The following ANKRD13C variants were observed in gnomAD, a reference collection of about 807,000 sequenced individuals.
The protein encoded by ANKRD13C is ankyrin repeat domain 13C.
ANKRD13C carries 16 observed loss-of-function variants against 65.5 expected under a neutral mutation model. That is an observed-to-expected ratio of 0.24 (90% CI 0.17 to 0.37). The LOEUF (loss-of-function observed/expected upper bound fraction) is 0.37. ANKRD13C is among the 10% of genes least tolerant of loss of function. The probability of loss-of-function intolerance (pLI) is 1.00; values close to 1 mark genes in which losing one functional copy is unlikely to be tolerated. For missense variants in ANKRD13C, 503 were observed against 655.9 expected, an observed-to-expected ratio of 0.77 and a Z score of 2.55; for synonymous variants, 235 against 238.7, an observed-to-expected ratio of 0.98 and a Z score of 0.14.
chr1:70,307,072 T>C (rs1315014696), intron 5 of ANKRD13C, among the ~76,000 whole-genome samples: 1 of 152,204 alleles, frequency 6.6e-6, no homozygotes, highest in Non-Finnish European at 1.5e-5. Context: ...AGTGTGTGTG[T>C]ATCTGTCTGT....
chr1:70,286,040 G>A (rs1057394950), intron 9 of ANKRD13C, among the ~76,000 whole-genome samples: 4 of 151,996 alleles, frequency 2.6e-5, no homozygotes, highest in Admixed American at 2.0e-4. Context: ...ACAGTTCCAT[G>A]CTGCTTTCCA....
At chr1:70,344,895 A>C (rs1177824236) in intron 1 of ANKRD13C, among the ~76,000 whole-genome samples, 1 of 152,034 alleles carries the variant, frequency 6.6e-6, no homozygotes, top group Non-Finnish European at 1.5e-5. Flanking sequence ...TGTTAATATA[A>C]AATTTCTTAT....
intron 1 of ANKRD13C, among the ~76,000 whole-genome samples, chr1:70,345,577 GA>G (rs1416695701): frequency 6.6e-6 from 1 of 151,940 alleles, no homozygotes; most frequent in African/African-American, 2.4e-5. Context: ...ATTGATATTT[GA>G]AAAACACCGG....
chr1:70,285,219 G>T (rs1387880885), intron 9 of ANKRD13C, among the ~76,000 whole-genome samples: 1 of 128,882 alleles, frequency 7.8e-6, no homozygotes, highest in Non-Finnish European at 1.6e-5. Context: ...TTGAGATGGA[G>T]TCTCACTCTG....
intron 6 of ANKRD13C, among the ~76,000 whole-genome samples, chr1:70,303,958 C>G (rs1680482899): frequency 1.3e-5 from 2 of 152,182 alleles, no homozygotes; most frequent in Non-Finnish European, 2.9e-5. Context: ...TGTCTAGTAT[C>G]TTGCTAAGTT....
chr1:70,300,194 T>C (rs1465008624), intron 7 of ANKRD13C, among the ~76,000 whole-genome samples: 2 of 152,098 alleles, frequency 1.3e-5, no homozygotes, highest in Non-Finnish European at 2.9e-5. Flanking sequence ...TAAATGAGAA[T>C]GAAGAGAAGT....
chr1:70,320,699 C>G (rs763391188), intron 3 of ANKRD13C, among the ~76,000 whole-genome samples: 1 of 151,892 alleles, frequency 6.6e-6, no homozygotes. Context: ...TAATTTTCTA[C>G]GATGAATGTC....
intron 7 of ANKRD13C, among the ~76,000 whole-genome samples, chr1:70,299,908 G>T (rs956306348): frequency 6.6e-6 from 1 of 152,120 alleles, no homozygotes; most frequent in African/African-American, 2.4e-5. Flanking sequence ...TATTCTGGCA[G>T]TTTGTAAAAA....
intron 1 of ANKRD13C, among the ~76,000 whole-genome samples, chr1:70,352,684 TTTCCAAAGGGCTAGCATAGAA>T (rs1305194139): frequency 6.6e-6 from 1 of 152,224 alleles, no homozygotes; most frequent in African/African-American, 2.4e-5. Flanking sequence ...TAACAACTGT[TTTCCAAAGGGCTAGCATAGAA>T]TTACCATCAT....
At chr1:70,304,579 T>G (rs1572095043) in intron 6 of ANKRD13C, among the ~76,000 whole-genome samples, 2 of 152,120 alleles carry the variant, frequency 1.3e-5, no homozygotes, top group African/African-American at 2.4e-5. Context: ...AATATTTTTT[T>G]GTAAAGATGG....
intron 8 of ANKRD13C, among the ~76,000 whole-genome samples, chr1:70,295,759 T>C (rs991730734): frequency 1.3e-5 from 2 of 152,164 alleles, no homozygotes; most frequent in Non-Finnish European, 2.9e-5. Flanking sequence ...AAGTCTAAAG[T>C]AGGGAGACAA....
chr1:70,273,238 C>T (rs1396579530), intron 11 of ANKRD13C, among the ~76,000 whole-genome samples: 1 of 152,026 alleles, frequency 6.6e-6, no homozygotes, highest in African/African-American at 2.4e-5. Flanking sequence ...TATATGCACC[C>T]TGCTCTCTTC....
intron 3 of ANKRD13C, among the ~76,000 whole-genome samples, chr1:70,321,257 T>C (rs1572132082): frequency 6.6e-6 from 1 of 151,830 alleles, no homozygotes; most frequent in Non-Finnish European, 1.5e-5. Context: ...TACTGAAAAA[T>C]TAATTAGAAG....
At chr1:70,324,279 C>G (rs1238525382) in intron 3 of ANKRD13C, among the ~76,000 whole-genome samples, 1 of 151,952 alleles carries the variant, frequency 6.6e-6, no homozygotes, top group Non-Finnish European at 1.5e-5. Flanking sequence ...TTGAGATATA[C>G]TTGACAAAAA....
At chr1:70,320,137 A>G (rs969743172) in intron 3 of ANKRD13C, among the ~76,000 whole-genome samples, 1 of 152,208 alleles carries the variant, frequency 6.6e-6, no homozygotes, top group Non-Finnish European at 1.5e-5. Context: ...AGCAGAGCTG[A>G]CACATAGAAA....
At chr1:70,345,858 A>C (rs1036362962) in intron 1 of ANKRD13C, among the ~76,000 whole-genome samples, 3 of 152,230 alleles carry the variant, frequency 2.0e-5, no homozygotes, top group African/African-American at 7.2e-5. Flanking sequence ...TTTGCCATAT[A>C]TTCAAACTGT....
intron 7 of ANKRD13C, among the ~76,000 whole-genome samples, chr1:70,298,934 C>T (rs1473005753): frequency 6.6e-6 from 1 of 151,956 alleles, no homozygotes; most frequent in Admixed American, 6.6e-5. Flanking sequence ...AGTTTACCAA[C>T]CTATAGCGTA....
Position 70,300,835 on chromosome 1 carries a change from C to A in ANKRD13C, c.850G>T (p.Asp284Tyr), listed in dbSNP as rs764897805. 7.4e-6 allele frequency: 12 copies of A among 1,613,496 alleles called. No homozygotes were observed. The East Asian group carries it at 2.7e-4, about 36-fold the overall frequency. The change falls in exon 7 of 13, where the codon GAT (aspartate) becomes TAT (tyrosine). Residue 284 changes from aspartate (D) to tyrosine (Y), a missense_variant. Transcript: ENST00000370944. ...RGDLSFIFNGDAAPSESFVVL... is the reference protein window; with the variant it reads ...RGDLSFIFNGYAAPSESFVVL... ...ACAAAAGATTCAGAGGGCGCCGCAT[C>A]CCCATTGAAAATGAAGCTTAGATCC...
intron 1 of ANKRD13C, among the ~76,000 whole-genome samples, chr1:70,349,929 C>T (rs572004019): frequency 6.6e-6 from 1 of 152,072 alleles, no homozygotes; most frequent in South Asian, 2.1e-4. Context: ...TGAGGTCAGG[C>T]GTTCCAGACC....
Sources: gnomAD v4.1 joint callset for allele counts (sites outside exome capture counted in the v4.1 genomes callset) on GRCh38, gnomAD v4.1.1 for gene constraint, MANE v1.5 for transcripts, NCBI Gene and HGNC (gene_info 2026-07-23, HGNC 2026-07-21) for gene names.